The following COTL1 variants were observed in gnomAD, a reference collection of about 807,000 sequenced individuals.
COTL1 encodes the protein coactosin like F-actin binding protein 1.
Under a neutral mutation model 16.5 loss-of-function variants are expected in COTL1, and 15 were observed. The ratio of observed to expected loss-of-function variants is 0.91; its 90% CI spans 0.61 to 1.40. The LOEUF (loss-of-function observed/expected upper bound fraction) is 1.40, where lower values mean the gene tolerates loss of function less well. Among genes scored for constraint, COTL1 ranks in the 40% most tolerant of loss-of-function variants. The probability of loss-of-function intolerance (pLI) is 0.00; values close to 1 mark genes in which losing one functional copy is unlikely to be tolerated. For synonymous variants in COTL1, 112 were observed against 85.3 expected (o/e 1.31, Z -1.73); for missense variants, 220 against 201.5 (o/e 1.09, Z -0.56).
intron 2 of COTL1, among the ~76,000 whole-genome samples, chr16:84,606,873 A>G (rs1242040729): frequency 6.6e-6 from 1 of 152,226 alleles, no homozygotes; most frequent in African/African-American, 2.4e-5. Flanking sequence ...CCAGGCGCCT[A>G]CAGCCCATAA....
intron 3 of COTL1, among the ~76,000 whole-genome samples, chr16:84,587,389 T>C (rs184851414): frequency 2.0e-4 from 30 of 152,338 alleles, no homozygotes; most frequent in Admixed American, 1.9e-3. Flanking sequence ...CCTCCCGAGA[T>C]TGTTTTCTAA....
intron 3 of COTL1, among the ~76,000 whole-genome samples, chr16:84,586,138 T>C (rs1904727497): frequency 6.6e-6 from 1 of 152,176 alleles, no homozygotes; most frequent in African/African-American, 2.4e-5. Context: ...GACCGTTTCT[T>C]TGGCTGTGCA....
chr16:84,600,565 A>G (rs1905087810), intron 2 of COTL1, among the ~76,000 whole-genome samples: 1 of 152,190 alleles, frequency 6.6e-6, no homozygotes, highest in East Asian at 1.9e-4. Context: ...TGCCCGCCTC[A>G]GTCTCCCAAA....
rs868516191 is a variant in COTL1, at chr16:84,617,883, C to A, written c.32G>T (p.Arg11Leu). ...GTCGCGCACCAGGTTGTACGCCGCC[C>A]GGCAAGCCTCTTTGTCGATCTTGGT... is the stretch of plus-strand genomic sequence containing the variant. MATKIDKEAC[R>L]AAYNLVRDDG... The change falls in exon 1 of 4, where the codon CGG becomes CTG. Residue 11 changes from arginine (R) to leucine (L), a missense_variant. Coordinates refer to ENST00000262428, the MANE Select transcript of COTL1 (RefSeq NM_021149.5). 1.3e-6 allele frequency: 2 copies of A among 1,570,296 alleles called. No homozygotes were observed. Among genetic ancestry groups the A allele is most frequent in the East Asian group, 2.4e-5 (1 of 42,542 alleles).
chr16:84,593,001 A>G (rs996835055), intron 2 of COTL1, among the ~76,000 whole-genome samples: 5 of 152,190 alleles, frequency 3.3e-5, no homozygotes, highest in Non-Finnish European at 7.3e-5. Context: ...ACATGCTTCT[A>G]TTTCATCTCA....
In COTL1 at chr16:84,590,350, C is replaced by T. The variant is rs947646459; in HGVS notation, c.161-88G>A. 1.1e-5 allele frequency: 17 copies of T among 1,497,012 alleles called. No individual in the cohort carries two copies. Among genetic ancestry groups the T allele is most frequent in the Middle Eastern group, 1.8e-4 (1 of 5,422 alleles). 92.7% of individuals were successfully genotyped at this position (1,497,012 alleles called of 1,614,324 possible). A position where few individuals can be genotyped will look rare whatever the true frequency, so the allele number is the denominator to read the frequency against. On this transcript the variant is annotated intron_variant, in intron 2 of 3. Transcript: ENST00000262428. This position sits in a 1 kb window ranked among gnomAD's most constrained non-coding sequence, Gnocchi z 5.5. Reference sequence around the variant, plus strand: ...GGGGAGAGGCTGTGAGCCACGAGTGCGCCTGGAGCAGCACAGCAGGAGACC... The same window carrying T: ...GGGGAGAGGCTGTGAGCCACGAGTGTGCCTGGAGCAGCACAGCAGGAGACC...
chr16:84,580,158 G>T (rs1321980912), intron 3 of COTL1, among the ~76,000 whole-genome samples: 4 of 152,244 alleles, frequency 2.6e-5, no homozygotes, highest in Non-Finnish European at 4.4e-5. Context: ...CCGCTGGGCA[G>T]AATTCTTTGC....
At chr16:84,606,597 T>A (rs1905215465) in intron 2 of COTL1, among the ~76,000 whole-genome samples, 1 of 152,204 alleles carries the variant, frequency 6.6e-6, no homozygotes, top group Non-Finnish European at 1.5e-5. Flanking sequence ...TGTCACCTTC[T>A]CCAAGGCCAT....
At chr16:84,587,548 ACT>A (rs1444273081) in intron 3 of COTL1, among the ~76,000 whole-genome samples, 1 of 152,154 alleles carries the variant, frequency 6.6e-6, no homozygotes, top group East Asian at 1.9e-4. Context: ...GAACCAGGAC[ACT>A]CTGCTACCAG....
At chr16:84,598,544 T>G (rs1374643830) in intron 2 of COTL1, among the ~76,000 whole-genome samples, 2 of 152,084 alleles carry the variant, frequency 1.3e-5, no homozygotes, top group East Asian at 3.9e-4. Context: ...CTCTTTTCTC[T>G]GGCCTTTCCC....
intron 3 of COTL1, among the ~76,000 whole-genome samples, chr16:84,579,542 C>T (rs552331167): frequency 6.6e-6 from 1 of 152,312 alleles, no homozygotes; most frequent in Admixed American, 6.5e-5. Context: ...AGAAAGGACA[C>T]AGGCTATATC....
At chr16:84,599,771 A>G (rs1032811348) in intron 2 of COTL1, among the ~76,000 whole-genome samples, 1 of 152,140 alleles carries the variant, frequency 6.6e-6, no homozygotes, top group African/African-American at 2.4e-5. Context: ...GGAAGGGAAA[A>G]AACAACCCAC....
intron 2 of COTL1, among the ~76,000 whole-genome samples, chr16:84,600,166 C>G (rs1905080297): frequency 6.6e-6 from 1 of 152,116 alleles, no homozygotes; most frequent in Non-Finnish European, 1.5e-5. Context: ...CTGCAGTTGA[C>G]AAAAACAAAA....
At chr16:84,588,596 G>A (rs1483294130) in intron 3 of COTL1, among the ~76,000 whole-genome samples, 1 of 152,014 alleles carries the variant, frequency 6.6e-6, no homozygotes, top group Non-Finnish European at 1.5e-5. Flanking sequence ...CTGCAGCCTC[G>A]CCCTCCTAGG....
chr16:84,607,277 G>C (rs79495263), intron 2 of COTL1, among the ~76,000 whole-genome samples: 2,327 of 152,270 alleles, frequency 0.015, 53 homozygotes, highest in African/African-American at 0.053. Flanking sequence ...AGGCGAAACA[G>C]ATGAAGACAG....
chr16:84,591,268 T>C (rs1597176207), intron 2 of COTL1, among the ~76,000 whole-genome samples: 1 of 151,704 alleles, frequency 6.6e-6, no homozygotes, highest in Non-Finnish European at 1.5e-5. Flanking sequence ...ACTGCAAGCT[T>C]GGCCTCTAGG....
chr16:84,611,076 A>G (rs1905313287), intron 2 of COTL1, among the ~76,000 whole-genome samples: 1 of 152,226 alleles, frequency 6.6e-6, no homozygotes, highest in Admixed American at 6.5e-5. Flanking sequence ...AGCAACCTAC[A>G]TGCAATCATT....
At chr16:84,599,847 G>A (rs1025297026) in intron 2 of COTL1, among the ~76,000 whole-genome samples, 9 of 152,164 alleles carry the variant, frequency 5.9e-5, no homozygotes, top group African/African-American at 2.2e-4. Context: ...GAAAGGAAAT[G>A]GGAAAGAATT....
At chr16:84,602,877 G>A (rs1662470232) in intron 2 of COTL1, among the ~76,000 whole-genome samples, 1 of 152,118 alleles carries the variant, frequency 6.6e-6, no homozygotes, top group Non-Finnish European at 1.5e-5. Context: ...GCATGGAAAG[G>A]GAAGGCCAAA....
Sources: gnomAD v4.1 joint callset for allele counts (sites outside exome capture counted in the v4.1 genomes callset) on GRCh38, gnomAD v4.1.1 for gene constraint, Gnocchi (gnomAD v3.1) non-coding constraint, MANE v1.5 for transcripts, NCBI Gene and HGNC (gene_info 2026-07-23, HGNC 2026-07-21) for gene names.